Variants in LRRC4C observed in about 807,000 individuals in gnomAD.
LRRC4C encodes the protein leucine-rich repeat-containing protein 4C.
LRRC4C carries 5 observed loss-of-function variants against 33.6 expected under a neutral mutation model. The ratio of observed to expected loss-of-function variants is 0.15; its 90% CI spans 0.08 to 0.31. The LOEUF (loss-of-function observed/expected upper bound fraction) is 0.31, where lower values mean the gene tolerates loss of function less well. Ranked by LOEUF, LRRC4C falls within the 10% of genes least tolerant of loss-of-function variation. The pLI, the probability that LRRC4C is intolerant of heterozygous loss-of-function variation, is 1.00. For synonymous variants in LRRC4C, 329 were observed against 302.0 expected (o/e 1.09, Z -0.93); for missense variants, 560 against 796.7 (o/e 0.70, Z 3.58).
chr11:40,792,418 A>G (rs1273667897), intron 2 of LRRC4C, among the ~76,000 whole-genome samples: 2 of 152,232 alleles, frequency 1.3e-5, no homozygotes, highest in Admixed American at 6.5e-5. Flanking sequence ...AGAAAGGGAA[A>G]TGTAAGAATA....
intron 3 of LRRC4C, among the ~76,000 whole-genome samples, chr11:40,418,012 T>A (rs1041429347): frequency 4.6e-5 from 7 of 151,196 alleles, no homozygotes; most frequent in African/African-American, 1.7e-4. Context: ...TCACTTTGAC[T>A]TTCCCTTGGT....
At chr11:40,615,148 A>C (rs1471677372) in intron 3 of LRRC4C, among the ~76,000 whole-genome samples, 2 of 150,728 alleles carry the variant, frequency 1.3e-5, no homozygotes, top group African/African-American at 4.9e-5. Flanking sequence ...TATAGCTGAT[A>C]ATGTCTGATG....
intron 4 of LRRC4C, among the ~76,000 whole-genome samples, chr11:40,266,314 T>A (rs552190930): frequency 1.3e-5 from 2 of 151,402 alleles, no homozygotes; most frequent in African/African-American, 2.4e-5. Context: ...ATAAAAAAAA[T>A]TAAAATAAAT....
rs112387771 is a variant in LRRC4C, at chr11:40,414,102, T to C, written c.-269-94381A>G. On this transcript the variant is annotated intron_variant, in intron 3 of 6. Coordinates refer to ENST00000528697, the MANE Select transcript of LRRC4C (RefSeq NM_001258419.2). ...CATATAAAATGTGCCTATTCTTTTA[T>C]GGCTAAAAGATGATGAAATCATATT... Among the ~76,000 whole-genome samples the C allele has an allele frequency of 1.4e-4, 22 of 152,254 alleles. 1 individual carries two copies. Among genetic ancestry groups the C allele is most frequent in the African/African-American group, 5.1e-4 (21 of 41,556 alleles).
chr11:40,844,473 T>C (rs895131040), intron 2 of LRRC4C, among the ~76,000 whole-genome samples: 9 of 152,142 alleles, frequency 5.9e-5, no homozygotes, highest in African/African-American at 2.2e-4. Context: ...TTCTCTTTCC[T>C]TTGGACATTG....
At chr11:41,236,340 C>T (rs890636827) in intron 1 of LRRC4C, among the ~76,000 whole-genome samples, 1 of 152,046 alleles carries the variant, frequency 6.6e-6, no homozygotes, top group Admixed American at 6.6e-5. Flanking sequence ...ATCCTTAAAT[C>T]TCTGTTTCTC....
chr11:40,175,505 T>C (rs961225631), intron 5 of LRRC4C, among the ~76,000 whole-genome samples: 1 of 152,178 alleles, frequency 6.6e-6, no homozygotes, highest in Non-Finnish European at 1.5e-5. Flanking sequence ...AACCTCATCT[T>C]TCAAAGAATG....
At chr11:41,236,625 T>C (rs911724267) in intron 1 of LRRC4C, among the ~76,000 whole-genome samples, 6 of 151,982 alleles carry the variant, frequency 3.9e-5, no homozygotes, top group Admixed American at 2.0e-4. Flanking sequence ...ACAAGTGATA[T>C]CTTGATTGGT....
At chr11:40,579,268 G>A (rs1280945152) in intron 3 of LRRC4C, among the ~76,000 whole-genome samples, 1 of 151,868 alleles carries the variant, frequency 6.6e-6, no homozygotes, top group Non-Finnish European at 1.5e-5. Flanking sequence ...AGAAGGCAGA[G>A]GTTGCAGTGA....
At chr11:40,833,677 CA>C (rs1210910710) in intron 2 of LRRC4C, among the ~76,000 whole-genome samples, 4 of 151,714 alleles carry the variant, frequency 2.6e-5, no homozygotes, top group Non-Finnish European at 4.4e-5. Context: ...ATTTTTCTAT[CA>C]AAAAATAGGA....
At chr11:40,971,792 C>T (rs1344084937) in intron 1 of LRRC4C, among the ~76,000 whole-genome samples, 3 of 152,158 alleles carry the variant, frequency 2.0e-5, no homozygotes, top group African/African-American at 7.2e-5. Flanking sequence ...CAGGGCTACC[C>T]AAAGCCATAG....
At chr11:40,667,428 C>G (rs958959550) in intron 2 of LRRC4C, among the ~76,000 whole-genome samples, 1 of 152,084 alleles carries the variant, frequency 6.6e-6, no homozygotes, top group African/African-American at 2.4e-5. Context: ...CCTCCCAATG[C>G]GACAAATCCT....
intron 2 of LRRC4C, among the ~76,000 whole-genome samples, chr11:40,806,923 G>A (rs1478496715): frequency 6.6e-6 from 1 of 151,982 alleles, no homozygotes; most frequent in Non-Finnish European, 1.5e-5. Flanking sequence ...AAAATTAAGA[G>A]GAGAGAGTTT....
At chr11:40,394,358 C>A (rs1949455178) in intron 3 of LRRC4C, among the ~76,000 whole-genome samples, 1 of 152,114 alleles carries the variant, frequency 6.6e-6, no homozygotes, top group African/African-American at 2.4e-5. Context: ...TGACTTTCAG[C>A]TAAGAATTAT....
intron 5 of LRRC4C, among the ~76,000 whole-genome samples, chr11:40,217,586 G>A (rs1864067277): frequency 6.6e-6 from 1 of 151,988 alleles, no homozygotes; most frequent in South Asian, 2.1e-4. Flanking sequence ...AATTAAATGA[G>A]ATAAATGCAT....
chr11:40,779,578 C>T (rs1287320500), intron 2 of LRRC4C, among the ~76,000 whole-genome samples: 1 of 152,088 alleles, frequency 6.6e-6, no homozygotes, highest in African/African-American at 2.4e-5. Context: ...AATTAAAAGA[C>T]AGTTCAAATA....
intron 1 of LRRC4C, among the ~76,000 whole-genome samples, chr11:41,192,008 C>T (rs1945970874): frequency 6.6e-6 from 1 of 152,084 alleles, no homozygotes; most frequent in South Asian, 2.1e-4. Context: ...ATGTATACTT[C>T]ATTCAGATCA....
intron 1 of LRRC4C, among the ~76,000 whole-genome samples, chr11:41,385,503 T>G (rs1429677838): frequency 1.3e-5 from 2 of 151,500 alleles, no homozygotes; most frequent in African/African-American, 4.8e-5. Flanking sequence ...AAAAAACACA[T>G]GCATAAATAA....
chr11:40,809,828 C>T (rs7938900), intron 2 of LRRC4C, among the ~76,000 whole-genome samples: 4,392 of 152,258 alleles, frequency 0.029, 221 homozygotes, highest in African/African-American at 0.099. Flanking sequence ...TTTGCTTATA[C>T]TATTCTCCCT....
Sources: gnomAD v4.1 joint callset for allele counts (sites outside exome capture counted in the v4.1 genomes callset) on GRCh38, gnomAD v4.1.1 for gene constraint, MANE v1.5 for transcripts, NCBI Gene and HGNC (gene_info 2026-07-23, HGNC 2026-07-21) for gene names.